AGT: variants seen among roughly 807,000 people sequenced by gnomAD.
AGT encodes the protein alpha-1 antiproteinase, antitrypsin.
A neutral mutation model predicts 28.1 loss-of-function variants in AGT; 26 were observed. The ratio of observed to expected loss-of-function variants is 0.92; its 90% confidence interval spans 0.68 to 1.28. The LOEUF (loss-of-function observed/expected upper bound fraction) is 1.28. Ranked by LOEUF, AGT falls within the 50% of genes most tolerant of loss-of-function variation. The probability of loss-of-function intolerance (pLI) is 0.00; values close to 1 mark genes in which losing one functional copy is unlikely to be tolerated. For missense variants in AGT, 596 were observed against 592.3 expected (o/e 1.01, Z -0.06); for synonymous variants, 259 against 259.6 (o/e 1.00, Z 0.02).
chr1:230,728,563 A>G (rs747346774), intron 1 of AGT, among the ~76,000 whole-genome samples: 7 of 152,334 alleles, frequency 4.6e-5, no homozygotes, highest in Admixed American at 3.3e-4. Flanking sequence ...GGAGGTTTCA[A>G]TATTTATACC....
rs780208375 is a variant in AGT, at chr1:230,706,061, A to G, written c.969T>C (p.Thr323=). Residue 323 remains threonine, a synonymous_variant, in exon 3 of 5, where the codon ACT becomes ACC. Transcript: ENST00000366667. ...WSDIQDNFSV[T]QVPFTESACL... is the part of the protein sequence containing the mutation. ...AGGCGCTCTCAGTGAAGGGCACTTG[A>G]GTCACCGAGAAGTTGTCCTGGATGT... 6.2e-7 allele frequency: 1 copy of G among 1,614,054 alleles called. No individual in the cohort carries two copies. The highest frequency in any genetic ancestry group is 1.1e-5 in the South Asian group (1 of 91,050).
At chr1:230,726,593 A>C (rs1221720106) in intron 1 of AGT, among the ~76,000 whole-genome samples, 1 of 152,188 alleles carries the variant, frequency 6.6e-6, no homozygotes, top group Admixed American at 6.5e-5. Flanking sequence ...TTAAAAAAAA[A>C]CATAGTAAGC....
chr1:230,734,933 C>G (rs945081866), intron 1 of AGT, among the ~76,000 whole-genome samples: 1 of 151,970 alleles, frequency 6.6e-6, no homozygotes, highest in Non-Finnish European at 1.5e-5. Flanking sequence ...CCAGGATGGT[C>G]TCGATCTCCT....
chr1:230,743,700 C>T (rs17730947), intron 1 of AGT, among the ~76,000 whole-genome samples: 2,602 of 152,340 alleles, frequency 0.017, 20 homozygotes, highest in African/African-American at 0.035. Flanking sequence ...AAACCCAGGC[C>T]CTGCTGTAAG....
At chr1:230,714,964 G>A (rs1251715020), upstream of AGT, among the ~76,000 whole-genome samples, 1 of 152,136 alleles carries the variant, frequency 6.6e-6, no homozygotes, top group African/African-American at 2.4e-5. Flanking sequence ...TGACGCAGTG[G>A]GTGAGGCAGG....
chr1:230,704,321 T>A lies in AGT; in HGVS notation c.1114A>T (p.Met372Leu), dbSNP rs761041237. ...GATCCTTGCAGCACCAGTTGGGGCA[T>A]GGTCAGGTGGATGGTCCTGGGGAGA... ...KLSPRTIHLT[M>L]PQLVLQGSYD... is the part of the protein sequence containing the mutation. The change falls in exon 4 of 5, where the codon ATG (methionine) becomes TTG (leucine). Residue 372 changes from methionine to leucine, a missense_variant. Coordinates refer to ENST00000366667, the MANE Select transcript of AGT (RefSeq NM_001384479.1). The A allele has an allele frequency of 6.2e-7, 1 of 1,614,158 alleles. No individual in the cohort carries two copies. Among genetic ancestry groups the A allele is most frequent in the East Asian group, 2.2e-5 (1 of 44,860 alleles).
In AGT at chr1:230,706,227, G is replaced by A. The variant is rs61757177; in HGVS notation, c.830-27C>T. 140 of 1,610,490 alleles carry A rather than the reference G, an allele frequency of 8.7e-5. No individual in the cohort carries two copies. In the African/African-American group the frequency reaches 1.5e-3, roughly 17 times the overall value. ...TGAAATCCAGACAGGAGACAGGGAGGGAAGAGTCACCCAAGACAGGGGCAG... is the reference window on the plus strand; with the variant it reads ...TGAAATCCAGACAGGAGACAGGGAGAGAAGAGTCACCCAAGACAGGGGCAG... On this transcript the variant is annotated intron_variant, in intron 2 of 4. Transcript: ENST00000366667.
chr1:230,707,321 G>C (rs1663416163), intron 2 of AGT, among the ~76,000 whole-genome samples: 1 of 152,216 alleles, frequency 6.6e-6, no homozygotes. Context: ...GTTGTTCTTA[G>C]GAGAATAGGG....
intron 1 of AGT, among the ~76,000 whole-genome samples, chr1:230,711,656 T>G (rs886545212): frequency 1.3e-5 from 2 of 151,960 alleles, no homozygotes; most frequent in Admixed American, 6.6e-5. Context: ...CACCACAGGC[T>G]CAGCCCAAAG....
intron 2 of AGT, among the ~76,000 whole-genome samples, chr1:230,708,430 A>C (rs1206355989): frequency 6.6e-6 from 1 of 152,138 alleles, no homozygotes; most frequent in Non-Finnish European, 1.5e-5. Context: ...TGCCCTGCAC[A>C]GTGTGCTGCC....
Position 230,703,298 on chromosome 1 carries a change from G to A in AGT, c.1274C>T (p.Ala425Val), listed in dbSNP as rs61751076. ...AGACTCTGTGGGCTCTCTCTCATCC[G>A]CTTCAAGCTCAAAAAAAATGCTGTT... ...VLNSIFFELE[A>V]DEREPTESTQ... Residue 425 changes from alanine to valine, a missense_variant, in exon 5 of 5, where the codon GCG (alanine) becomes GTG (valine). Coordinates refer to ENST00000366667, the MANE Select transcript of AGT (RefSeq NM_001384479.1). The A allele has an allele frequency of 4.1e-4, 665 of 1,614,038 alleles. No homozygotes were observed. Among genetic ancestry groups the A allele is most frequent in the Non-Finnish European group, 5.3e-4 (622 of 1,180,046 alleles).
chr1:230,724,845 A>T (rs1390589109), intron 1 of AGT, among the ~76,000 whole-genome samples: 1 of 152,162 alleles, frequency 6.6e-6, no homozygotes, highest in Non-Finnish European at 1.5e-5. Flanking sequence ...AACAAACAGA[A>T]TATTGCTGGC....
chr1:230,744,260 A>G (rs367888739), intron 1 of AGT, among the ~76,000 whole-genome samples: 4 of 152,330 alleles, frequency 2.6e-5, no homozygotes. Context: ...GAAGGTTTGG[A>G]AAACTAAATG....
At chr1:230,718,722 C>CTTTTTTTTTTTTTTTTTTTTTT (rs1228887131), upstream of AGT, among the ~76,000 whole-genome samples, 4 of 118,450 alleles carry the variant, frequency 3.4e-5, no homozygotes, top group African/African-American at 1.0e-4. Context: ...TTCCACACCG[C>CTTTTTTTTTTTTTTTTTTTTTT]TTTTTTTTTT....
At chr1:230,743,846 A>T (rs1403126013) in intron 1 of AGT, among the ~76,000 whole-genome samples, 1 of 152,230 alleles carries the variant, frequency 6.6e-6, no homozygotes. Flanking sequence ...GCCCTTCAAG[A>T]TGAACAAGAA....
intron 1 of AGT, among the ~76,000 whole-genome samples, chr1:230,743,860 G>A (rs1664292858): frequency 6.6e-6 from 1 of 152,240 alleles, no homozygotes; most frequent in African/African-American, 2.4e-5. Context: ...ACAAGAAGAA[G>A]AGAAACAAAG....
chr1:230,729,281 G>A (rs184242201), intron 1 of AGT, among the ~76,000 whole-genome samples: 15 of 152,272 alleles, frequency 9.9e-5, no homozygotes, highest in South Asian at 6.2e-4. Flanking sequence ...CCTAGCTCCC[G>A]GGCAGTGTTC....
chr1:230,714,038 T>A (rs913611705), intron 1 of AGT, 48 bp downstream of exon 1: 5 of 152,094 alleles, frequency 3.3e-5, no homozygotes, highest in Non-Finnish European at 7.3e-5. Context: ...CTCAGTTACA[T>A]CTGAGAGAGA....
At chr1:230,744,383 G>A (rs922581511) in intron 1 of AGT, among the ~76,000 whole-genome samples, 41 of 152,214 alleles carry the variant, frequency 2.7e-4, no homozygotes, top group Admixed American at 2.6e-3. Flanking sequence ...AGGATTAGAC[G>A]CTAAGACAAA....
Sources: gnomAD v4.1 joint callset for allele counts (sites outside exome capture counted in the v4.1 genomes callset) on GRCh38, gnomAD v4.1.1 for gene constraint, MANE v1.5 for transcripts, NCBI Gene and HGNC (gene_info 2026-07-23, HGNC 2026-07-21) for gene names.